NRXN3: variants seen among roughly 807,000 people sequenced by gnomAD.
NRXN3 encodes neurexin III.
NRXN3 carries 32 observed loss-of-function variants against 137.6 expected under a neutral mutation model. That is an observed-to-expected ratio of 0.23 (90% CI 0.18 to 0.31). The LOEUF is 0.31. NRXN3 is among the 10% of genes least tolerant of loss of function. The probability of loss-of-function intolerance (pLI) is 1.00; values close to 1 mark genes in which losing one functional copy is unlikely to be tolerated. For synonymous variants in NRXN3, 798 were observed against 784.5 expected (o/e 1.02, Z -0.29); for missense variants, 1,574 against 2,062.5 (o/e 0.76, Z 4.59).
chr14:79,315,792 G>A (rs745813615), intron 15 of NRXN3, among the ~76,000 whole-genome samples: 1 of 152,114 alleles, frequency 6.6e-6, no homozygotes, highest in Non-Finnish European at 1.5e-5. Flanking sequence ...TAGCCAGAAC[G>A]AGCTACAATA....
At chr14:79,020,580 A>G (rs1595003213) in intron 15 of NRXN3, among the ~76,000 whole-genome samples, 1 of 151,538 alleles carries the variant, frequency 6.6e-6, no homozygotes, top group East Asian at 2.0e-4. Flanking sequence ...CAAGGTTTCT[A>G]ATTAAATATA....
At chr14:78,775,458 G>A (rs2098741957) in intron 8 of NRXN3, among the ~76,000 whole-genome samples, 1 of 152,100 alleles carries the variant, frequency 6.6e-6, no homozygotes, top group South Asian at 2.1e-4. Flanking sequence ...AAAACATCGA[G>A]GTTTTTGTAT....
At chr14:78,306,997 A>G (rs193085604) in intron 4 of NRXN3, among the ~76,000 whole-genome samples, 168 of 152,212 alleles carry the variant, frequency 1.1e-3, no homozygotes, top group African/African-American at 3.8e-3. Flanking sequence ...TTTTAAATTA[A>G]TTTTTTTATT....
intron 8 of NRXN3, among the ~76,000 whole-genome samples, chr14:78,715,774 G>A (rs116204783): frequency 1.8e-4 from 28 of 152,178 alleles, no homozygotes; most frequent in African/African-American, 6.0e-4. Context: ...TAGAAATCAG[G>A]TACCTACCTC....
intron 4 of NRXN3, among the ~76,000 whole-genome samples, chr14:78,430,130 C>T (rs188224824): frequency 6.9e-4 from 105 of 152,236 alleles, no homozygotes; most frequent in African/African-American, 1.7e-3. Flanking sequence ...CCCAGCCACT[C>T]GGGAGGCTAA....
intron 4 of NRXN3, among the ~76,000 whole-genome samples, chr14:78,298,257 G>C (rs2076548455): frequency 6.6e-6 from 1 of 152,222 alleles, no homozygotes; most frequent in Non-Finnish European, 1.5e-5. Context: ...CAGGCTGGGG[G>C]AGAGGAGCTG....
chr14:78,915,205 A>G (rs2099251490), intron 10 of NRXN3, among the ~76,000 whole-genome samples: 1 of 151,948 alleles, frequency 6.6e-6, no homozygotes, highest in Admixed American at 6.6e-5. Context: ...AATAGAGGGA[A>G]AAGTCAAGGA....
chr14:79,187,769 T>A (rs990232605), intron 15 of NRXN3, among the ~76,000 whole-genome samples: 1 of 152,220 alleles, frequency 6.6e-6, no homozygotes, highest in African/African-American at 2.4e-5. Context: ...AAGACCCTTT[T>A]GAGATTTTCA....
At chr14:78,997,517 A>G (rs1017146455) in intron 15 of NRXN3, among the ~76,000 whole-genome samples, 2 of 152,234 alleles carry the variant, frequency 1.3e-5, no homozygotes, top group Non-Finnish European at 2.9e-5. Flanking sequence ...ATAATTTCCT[A>G]TAGTTATTTC....
At position 78,533,099 on chromosome 14, in the gene NRXN3, C is replaced by CTTT. The variant is rs71452898; in HGVS notation, c.758-112005_758-112003dup. The stretch of plus-strand genomic sequence containing the variant: ...ATATCTCTCTCTCTCTCCCTCCAGC[C>CTTT]TTTTTTTTTTTTTTTTTTGAGATGG... On this transcript the variant is annotated intron_variant, in intron 4 of 20. Coordinates refer to ENST00000335750, the MANE Select transcript of NRXN3 (RefSeq NM_001330195.2). Among the ~76,000 whole-genome samples the CTTT allele has an allele frequency of 1.3e-3, 160 of 120,058 alleles. 5 individuals are homozygous for CTTT. In the East Asian group the frequency reaches 0.018, roughly 14 times the overall value. 78.8% of individuals were successfully genotyped at this position (120,058 alleles called of 152,430 possible).
rs977200943 is a variant in NRXN3 at position 79,867,083 on chromosome 14, C to T, written c.*5119C>T. 2 of 152,136 alleles carry T rather than the reference C, an allele frequency of 1.3e-5. No individual in the cohort carries two copies. Among genetic ancestry groups the T allele is most frequent in the East Asian group, 3.9e-4 (2 of 5,190 alleles). The allele number at this position is 152,136 out of a possible 1,614,324, so 9.4% of individuals were successfully genotyped here. A position where few individuals can be genotyped will look rare whatever the true frequency, so the allele number is the denominator to read the frequency against. On this transcript the variant is annotated 3_prime_UTR_variant, in exon 21 of 21. Transcript: ENST00000335750. ...CGTATTTTTCTAATTGTGTTTATTA[C>T]AAAGAAAACAGACCCGAAGAACTTA...
intron 4 of NRXN3, among the ~76,000 whole-genome samples, chr14:78,498,089 G>A (rs1016871330): frequency 6.6e-6 from 1 of 152,160 alleles, no homozygotes; most frequent in Non-Finnish European, 1.5e-5. Flanking sequence ...GGCTGTAGGT[G>A]TGTCTCTAGC....
At chr14:79,652,275 C>T (rs2098480116) in intron 16 of NRXN3, among the ~76,000 whole-genome samples, 1 of 152,090 alleles carries the variant, frequency 6.6e-6, no homozygotes, top group Non-Finnish European at 1.5e-5. Context: ...CATTTACCTT[C>T]GTCATGTTAA....
chr14:78,672,839 CTG>C (rs1248032166), intron 6 of NRXN3, among the ~76,000 whole-genome samples: 2 of 152,106 alleles, frequency 1.3e-5, no homozygotes, highest in African/African-American at 4.8e-5. Flanking sequence ...AAAGTGAAAT[CTG>C]TAAGCCTGGT....
In NRXN3 at chr14:78,347,998, T is replaced by C. The variant is rs568508101; in HGVS notation, c.757+50138T>C. On this transcript the variant is annotated intron_variant, in intron 4 of 20. Coordinates refer to ENST00000335750, the MANE Select transcript of NRXN3 (RefSeq NM_001330195.2). ...TGTATTACCTCATTTAGCTCATAAG[T>C]ATATGGAGTAGGTATTCCCATTTTG... Among the ~76,000 whole-genome samples the C allele has an allele frequency of 2.0e-5, 3 of 152,294 alleles. No homozygotes were observed. The East Asian group carries it at 5.8e-4, about 29-fold the overall frequency.
chr14:79,832,826 A>G (rs1018828533), intron 20 of NRXN3, among the ~76,000 whole-genome samples: 2 of 152,164 alleles, frequency 1.3e-5, no homozygotes, highest in Non-Finnish European at 2.9e-5. Flanking sequence ...GCACATATGG[A>G]CACCAAACTT....
At chr14:78,514,766 G>A (rs941531653) in intron 4 of NRXN3, among the ~76,000 whole-genome samples, 1 of 152,112 alleles carries the variant, frequency 6.6e-6, no homozygotes, top group Non-Finnish European at 1.5e-5. Flanking sequence ...AAACACAATA[G>A]TGACTATAAG....
In NRXN3 at chr14:78,701,350, C is replaced by A. The variant is rs55702113; in HGVS notation, c.1222-7867C>A. Reference sequence around the variant, plus strand: ...TAAAGCCTACGCTTAACTTGAGCACCGGTAGTAATGACTCGCATTATCAGC... The same window carrying A: ...TAAAGCCTACGCTTAACTTGAGCACAGGTAGTAATGACTCGCATTATCAGC... On this transcript the variant is annotated intron_variant, in intron 6 of 20. Coordinates refer to ENST00000335750, the MANE Select transcript of NRXN3 (RefSeq NM_001330195.2). Among the ~76,000 whole-genome samples, 5 of 152,276 alleles carry A rather than the reference C, an allele frequency of 3.3e-5. 1 individual carries two copies. The highest frequency in any genetic ancestry group is 1.2e-4 in the African/African-American group (5 of 41,554).
chr14:78,513,309 T>A (rs1446539983), intron 4 of NRXN3, among the ~76,000 whole-genome samples: 1 of 152,176 alleles, frequency 6.6e-6, no homozygotes. Context: ...CATCATCATC[T>A]TCATCATAAT....
Sources: allele counts gnomAD v4.1 joint callset (sites outside exome capture counted in the v4.1 genomes callset), GRCh38; gene constraint gnomAD v4.1.1; transcripts MANE v1.5; gene names NCBI Gene and HGNC (gene_info 2026-07-23, HGNC 2026-07-21).